Variants in ZNF551 observed in about 807,000 individuals in gnomAD.
The protein encoded by ZNF551 is KOX 23 protein (56 AA).
In ZNF551, 5 loss-of-function variants were observed where a neutral mutation model predicts 7.9. That is an observed-to-expected ratio of 0.63 (90% CI 0.33 to 1.33). The LOEUF (loss-of-function observed/expected upper bound fraction) is 1.33, where lower values mean the gene tolerates loss of function less well. Among genes scored for constraint, ZNF551 ranks in the 40% most tolerant of loss-of-function variants. ZNF551 has a pLI of 0.05. For missense variants in ZNF551, 788 were observed against 825.2 expected (o/e 0.95, Z 0.55); for synonymous variants, 287 against 277.3 (o/e 1.03, Z -0.35).
rs67613804 is a variant in ZNF551 at position 57,690,443 on chromosome 19, TTA to T, written c.*2161_*2162del. The T allele has an allele frequency of 0.34, 51,562 of 151,740 alleles. 9,092 individuals are homozygous for T. The highest frequency in any genetic ancestry group is 0.39 in the Non-Finnish European group (26,616 of 67,854). The allele number at this position is 151,740 out of a possible 1,614,324, so 9.4% of individuals were successfully genotyped here. ...TATACGTATATATATACATATGTGT[TTA>T]TATATGTGTGTGTGTATATATATAT... On this transcript the variant is annotated 3_prime_UTR_variant, in exon 3 of 3. Transcript: ENST00000282296.
rs150173912 is a variant in ZNF551 at position 57,686,863 on chromosome 19, C to T, written c.588C>T (p.His196=). The stretch of plus-strand genomic sequence containing the variant: ...CAGCCCCCACGGACCTACTCCAACA[C>T]GAAGCCACTCCCAGTGGTGAGGAGC... ...AFPAPTDLLQ[H]EATPSGEEPH... The change falls in exon 3 of 3, where the codon CAC becomes CAT. Residue 196 remains histidine, a synonymous_variant. Transcript: ENST00000282296. The T allele has an allele frequency of 3.5e-4, 568 of 1,614,160 alleles. 2 individuals carry two copies. The Middle Eastern group carries it at 6.3e-3, about 18-fold the overall frequency.
Position 57,687,932 on chromosome 19 carries a change from C to T in ZNF551, c.1657C>T (p.His553Tyr), listed in dbSNP as rs761325084. Residue 553 changes from histidine to tyrosine, a missense_variant, in exon 3 of 3, where the codon CAT becomes TAT. By Grantham distance (83) the His-to-Tyr change is moderately conservative. Transcript: ENST00000282296. ...TGGCCTCATTCAGCACCGGAGACTT[C>T]ATACTGGAGAAAGGCCTTATGAATG... ...RSGLIQHRRL[H>Y]TGERPYECSE... 31 of 1,614,208 alleles carry T rather than the reference C, an allele frequency of 1.9e-5. No homozygotes were observed. Among genetic ancestry groups the T allele is most frequent in the Non-Finnish European group, 2.5e-5 (30 of 1,180,052 alleles).
intron 1 of ZNF551, among the ~76,000 whole-genome samples, chr19:57,683,636 A>G (rs932670187): frequency 2.0e-5 from 3 of 152,012 alleles, no homozygotes; most frequent in Non-Finnish European, 4.4e-5. Context: ...TCACAATGAT[A>G]ATAATAGTTG....
rs993482392 is a variant in ZNF551 at position 57,688,069 on chromosome 19, G to A, written c.1794G>A (p.Gln598=). ...ECSECGKSFS[Q]SSSLIQHQRG... is the part of the protein sequence containing the mutation. Reference sequence around the variant, plus strand: ...GTGAATGTGGGAAATCCTTTAGCCAGAGCTCTAGCCTCATTCAACACCAGA... The same window carrying A: ...GTGAATGTGGGAAATCCTTTAGCCAAAGCTCTAGCCTCATTCAACACCAGA... The change falls in exon 3 of 3, where the codon CAG becomes CAA. Residue 598 remains glutamine, a synonymous_variant. Transcript: ENST00000282296. The A allele has an allele frequency of 1.7e-5, 28 of 1,611,800 alleles. No individual in the cohort carries two copies. Among genetic ancestry groups the A allele is most frequent in the Non-Finnish European group, 2.2e-5 (26 of 1,179,360 alleles).
chr19:57,684,187 C>G (rs1470737569), intron 1 of ZNF551, among the ~76,000 whole-genome samples: 3 of 152,000 alleles, frequency 2.0e-5, no homozygotes, highest in Non-Finnish European at 4.4e-5. Flanking sequence ...TGAGGCTGCC[C>G]CTAACTTTAG....
rs1212970335 is a variant in ZNF551, at chr19:57,686,603, G to T, written c.328G>T (p.Val110Phe). ...KTHLSEIKMC[V>F]PVLKDILPAA... is the part of the protein sequence containing the mutation. ...TCACCTCAGTGAGATTAAGATGTGTGTCCCAGTCTTGAAAGACATTTTGCC... is the reference window on the plus strand; with the variant it reads ...TCACCTCAGTGAGATTAAGATGTGTTTCCCAGTCTTGAAAGACATTTTGCC... The change falls in exon 3 of 3, where the codon GTC becomes TTC. Residue 110 changes from valine (V) to phenylalanine (F), a missense_variant. Val to Phe is a conservative substitution (Grantham distance 50). Transcript: ENST00000282296. The T allele has an allele frequency of 6.2e-7, 1 of 1,614,190 alleles. No individual in the cohort carries two copies. Among genetic ancestry groups the T allele is most frequent in the Non-Finnish European group, 8.5e-7 (1 of 1,180,042 alleles).
Position 57,688,282 on chromosome 19 carries a change from G to T in ZNF551, c.2007G>T (p.Arg669Ser), listed in dbSNP as rs1568457120. The change falls in exon 3 of 3, where the codon AGG becomes AGT. Residue 669 changes from arginine (R) to serine (S), a missense_variant. Arg to Ser is a moderately radical substitution (Grantham distance 110). Transcript: ENST00000282296. The part of the protein sequence containing the change: ...IRHRRVHTEE[R>S]P ...ATCGGAGAGTTCACACTGAAGAAAG[G>T]CCTTAAATGTGAAGGGAATGTGCTA... 1.2e-6 allele frequency: 2 copies of T among 1,612,974 alleles called. No homozygotes were observed. The highest frequency in any genetic ancestry group is 1.1e-5 in the South Asian group (1 of 91,062).
chr19:57,681,994 C>G lies in ZNF551; in HGVS notation c.-170C>G. On this transcript the variant is annotated 5_prime_UTR_variant, in exon 1 of 3. Transcript: ENST00000282296. ...GACGGGCCGGAACTTCCGGCGTCCTCCTCGTGGCGGTCATTTTGGCCTCTG... is the reference window on the plus strand; with the variant it reads ...GACGGGCCGGAACTTCCGGCGTCCTGCTCGTGGCGGTCATTTTGGCCTCTG... 3 of 666,358 alleles carry G rather than the reference C, an allele frequency of 4.5e-6. No homozygotes were observed. The highest frequency in any genetic ancestry group is 7.4e-6 in the Non-Finnish European group (3 of 404,626). The allele number at this position is 666,358 out of a possible 1,614,324, so 41.3% of individuals were successfully genotyped here. A position where few individuals can be genotyped will look rare whatever the true frequency, so the allele number is the denominator to read the frequency against.
Position 57,687,701 on chromosome 19 carries a change from G to A in ZNF551, c.1426G>A (p.Glu476Lys). The A allele has an allele frequency of 6.2e-7, 1 of 1,614,032 alleles. No homozygotes were observed. Among genetic ancestry groups the A allele is most frequent in the Non-Finnish European group, 8.5e-7 (1 of 1,180,012 alleles). ...RSIHTGDRPY[E>K]CSECEKSFSR... ...CATTCACACTGGTGATAGGCCTTAT[G>A]AGTGCAGTGAATGTGAGAAATCCTT... The change falls in exon 3 of 3, where the codon GAG becomes AAG. Residue 476 changes from glutamate (E) to lysine (K), a missense_variant. Glu to Lys is a moderately conservative substitution (Grantham distance 56). Coordinates refer to ENST00000282296, the MANE Select transcript of ZNF551 (RefSeq NM_138347.5).
Position 57,685,386 on chromosome 19 carries a change from G to A in ZNF551, c.205+1G>A. On this transcript the variant is annotated splice_donor_variant, in intron 2 of 2. Transcript: ENST00000282296. LOFTEE classifies it high-confidence loss of function. ...AACTTTGCACATGTAACATCCCTGG[G>A]TAAGGCCCTAGCATCCCTCCGAGTG... is the stretch of plus-strand genomic sequence containing the variant. 1 of 1,614,026 alleles carries A rather than the reference G, an allele frequency of 6.2e-7. No individual in the cohort carries two copies. Among genetic ancestry groups the A allele is most frequent in the Non-Finnish European group, 8.5e-7 (1 of 1,179,956 alleles).
At chr19:57,684,989 G>C (rs1247812408) in intron 1 of ZNF551, among the ~76,000 whole-genome samples, 1 of 152,170 alleles carries the variant, frequency 6.6e-6, no homozygotes, top group Admixed American at 6.5e-5. Flanking sequence ...TCTATGGCCA[G>C]TTCTCTCTCT....
chr19:57,686,392 C>T lies in ZNF551; in HGVS notation c.206-89C>T, dbSNP rs1984553229. The T allele has an allele frequency of 2.6e-6, 4 of 1,529,010 alleles. No individual in the cohort carries two copies. In the East Asian group the frequency reaches 9.1e-5, roughly 35 times the overall value. 94.7% of individuals were successfully genotyped at this position (1,529,010 alleles called of 1,614,324 possible). On this transcript the variant is annotated intron_variant, in intron 2 of 2. Transcript: ENST00000282296. ...TGTTCTCAGAACAGTTCCATGCACTCAGTTCTTGTGTCTCACACATTTTTG... is the reference window on the plus strand; with the variant it reads ...TGTTCTCAGAACAGTTCCATGCACTTAGTTCTTGTGTCTCACACATTTTTG...
Position 57,690,523 on chromosome 19 carries a change from A to C in ZNF551, c.*2235A>C, listed in dbSNP as rs1214876195. The C allele has an allele frequency of 6.6e-6, 1 of 152,154 alleles. No homozygotes were observed. The highest frequency in any genetic ancestry group is 2.4e-5 in the African/African-American group (1 of 41,432). 9.4% of individuals were successfully genotyped at this position (152,154 alleles called of 1,614,324 possible). On this transcript the variant is annotated 3_prime_UTR_variant, in exon 3 of 3. Transcript: ENST00000282296. ...ATTATTTTGAGATTCAAAAATGATGAATCTTTGTATTGCTGAGTATCATGC... is the reference window on the plus strand; with the variant it reads ...ATTATTTTGAGATTCAAAAATGATGCATCTTTGTATTGCTGAGTATCATGC...
Position 57,689,475 on chromosome 19 carries a change from A to G in ZNF551, c.*1187A>G, listed in dbSNP as rs1984696206. 1 of 152,210 alleles carries G rather than the reference A, an allele frequency of 6.6e-6. No individual in the cohort carries two copies. The highest frequency in any genetic ancestry group is 2.4e-5 in the African/African-American group (1 of 41,434). 9.4% of individuals were successfully genotyped at this position (152,210 alleles called of 1,614,324 possible). On this transcript the variant is annotated 3_prime_UTR_variant, in exon 3 of 3. Transcript: ENST00000282296. ...TTGTGTAGGATCAGTGCATACAGAA[A>G]TTCTCAGGATCTTCTGTTTACTATC...
intron 2 of ZNF551, 96 bp from the exon 3 acceptor site, chr19:57,686,385 A>G (rs575149577): frequency 1.3e-6 from 2 of 1,506,442 alleles, no homozygotes; most frequent in Non-Finnish European, 1.8e-6. Flanking sequence ...GAACAGTTCC[A>G]TGCACTCAGT....
At chr19:57,683,870 C>T (rs1047028386) in intron 1 of ZNF551, among the ~76,000 whole-genome samples, 56 of 151,998 alleles carry the variant, frequency 3.7e-4, no homozygotes, top group African/African-American at 1.4e-3. Flanking sequence ...GTATTCACCT[C>T]TCTGCAGACT....
Position 57,686,933 on chromosome 19 carries a change from A to G in ZNF551, c.658A>G (p.Lys220Glu). Residue 220 changes from lysine to glutamate, a missense_variant, in exon 3 of 3, where the codon AAA becomes GAA. Transcript: ENST00000282296. ...GCATATACAGGCATTTTTCAATGCA[A>G]AAAGTTATTACAAGTGGGGTGAATA... is the stretch of plus-strand genomic sequence containing the variant. ...SKHIQAFFNAKSYYKWGEYRK... is the reference protein window; with the variant it reads ...SKHIQAFFNAESYYKWGEYRK... The G allele has an allele frequency of 6.2e-7, 1 of 1,614,212 alleles. No homozygotes were observed. The highest frequency in any genetic ancestry group is 8.5e-7 in the Non-Finnish European group (1 of 1,180,050).
rs1179495456 is a variant in ZNF551 at position 57,682,262 on chromosome 19, C to T, written c.81+18C>T. On this transcript the variant is annotated intron_variant, in intron 1 of 2. Coordinates refer to ENST00000282296, the MANE Select transcript of ZNF551 (RefSeq NM_138347.5). The stretch of plus-strand genomic sequence containing the variant: ...CGGCTCAGGTGAGTTGTGCGTCCTC[C>T]GGGTCTCGCCTACCTCCCCCAGCAG... The T allele has an allele frequency of 2.6e-6, 4 of 1,548,634 alleles. No individual in the cohort carries two copies. Among genetic ancestry groups the T allele is most frequent in the African/African-American group, 1.4e-5 (1 of 73,024 alleles).
At position 57,690,297 on chromosome 19, in the gene ZNF551, C is replaced by T. The variant is rs1307803549; in HGVS notation, c.*2009C>T. 2 of 152,020 alleles carry T rather than the reference C, an allele frequency of 1.3e-5. No homozygotes were observed. Among genetic ancestry groups the T allele is most frequent in the African/African-American group, 4.8e-5 (2 of 41,370 alleles). The allele number at this position is 152,020 out of a possible 1,614,324, so 9.4% of individuals were successfully genotyped here. A position where few individuals can be genotyped will look rare whatever the true frequency, so the allele number is the denominator to read the frequency against. On this transcript the variant is annotated 3_prime_UTR_variant, in exon 3 of 3. Transcript: ENST00000282296. ...ATCTTTTTATAATCTTTCTCCCTTC[C>T]CCAGCTCTTCAGGTTCAACTGATTT...
Sources: gnomAD v4.1 joint callset for allele counts (sites outside exome capture counted in the v4.1 genomes callset) on GRCh38, gnomAD v4.1.1 for gene constraint, MANE v1.5 for transcripts, NCBI Gene and HGNC (gene_info 2026-07-23, HGNC 2026-07-21) for gene names.